Variants in TPCN2 observed in about 807,000 individuals in gnomAD.
The protein encoded by TPCN2 is two pore channel protein 2.
TPCN2 carries 92 observed loss-of-function variants against 111.4 expected under a neutral mutation model. That is an observed-to-expected ratio of 0.83 (90% CI 0.70 to 0.98). TPCN2 has a LOEUF of 0.98. Ranked by LOEUF, TPCN2 falls within the 50% of genes least tolerant of loss-of-function variation. The probability of loss-of-function intolerance (pLI) is 0.00; values close to 1 mark genes in which losing one functional copy is unlikely to be tolerated. For synonymous variants in TPCN2, 405 were observed against 414.5 expected, an observed-to-expected ratio of 0.98 and a Z score of 0.28; for missense variants, 995 against 980.1, an observed-to-expected ratio of 1.02 and a Z score of -0.20.
At chr11:69,071,234 A>C in intron 9 of TPCN2, 122 bp from the exon 10 acceptor site, 2 of 728,484 alleles carry the variant, frequency 2.7e-6, no homozygotes, top group Non-Finnish European at 4.9e-6. Flanking sequence ...TGCGCTGGCC[A>C]GGCCATGTTT....
intron 5 of TPCN2, among the ~76,000 whole-genome samples, chr11:69,061,602 G>C (rs572020473): frequency 6.6e-6 from 1 of 152,264 alleles, no homozygotes; most frequent in African/African-American, 2.4e-5. Flanking sequence ...GGGCAGCTGG[G>C]AGCACCAAGG....
At chr11:69,069,985 T>A (rs1855448303) in intron 8 of TPCN2, among the ~76,000 whole-genome samples, 1 of 151,868 alleles carries the variant, frequency 6.6e-6, no homozygotes, top group South Asian at 2.1e-4. Context: ...CCAGGAGACC[T>A]CCTTTCTTTT....
intron 4 of TPCN2, among the ~76,000 whole-genome samples, chr11:69,057,221 C>T (rs888730520): frequency 2.0e-5 from 3 of 152,234 alleles, no homozygotes; most frequent in African/African-American, 7.2e-5. Flanking sequence ...GCTGTGGCGG[C>T]GGAGACCTGC....
chr11:69,085,841 C>A lies in TPCN2; in HGVS notation c.1921-7C>A, dbSNP rs1002627224. The A allele has an allele frequency of 6.2e-7, 1 of 1,614,132 alleles. No homozygotes were observed. Among genetic ancestry groups the A allele is most frequent in the Non-Finnish European group, 8.5e-7 (1 of 1,179,970 alleles). The stretch of plus-strand genomic sequence containing the variant: ...CCCTCCTGGACCGCTGGTCTCTGCC[C>A]CCGCAGGCTGCCCTGGTCACTCTGT... On this transcript the variant is annotated splice_polypyrimidine_tract_variant and splice_region_variant and intron_variant, in intron 21 of 24. Transcript: ENST00000294309.
At chr11:69,067,285 G>A (rs983289700) in intron 7 of TPCN2, among the ~76,000 whole-genome samples, 6 of 152,232 alleles carry the variant, frequency 3.9e-5, no homozygotes, top group African/African-American at 1.4e-4. Context: ...CAGGCACCGT[G>A]TCCATGCGGG....
chr11:69,073,661 A>G (rs1375605892), intron 13 of TPCN2, among the ~76,000 whole-genome samples: 1 of 152,220 alleles, frequency 6.6e-6, no homozygotes, highest in African/African-American at 2.4e-5. Flanking sequence ...GTTATCTCAC[A>G]GTCCTGGCCG....
At chr11:69,052,323 C>T (rs1861262088) in intron 1 of TPCN2, among the ~76,000 whole-genome samples, 2 of 152,076 alleles carry the variant, frequency 1.3e-5, no homozygotes, top group Admixed American at 1.3e-4. Flanking sequence ...CCAGGCTCCC[C>T]TCAGGGCTGT....
chr11:69,064,110 G>A (rs1201130528), intron 7 of TPCN2, 143 bp downstream of exon 7: 2 of 802,454 alleles, frequency 2.5e-6, no homozygotes, highest in Non-Finnish European at 4.1e-6. Flanking sequence ...TGGGGTCCAG[G>A]AGTCTGCCTT....
chr11:69,088,353 T>G lies in TPCN2; in HGVS notation c.*400T>G. 5.6e-6 allele frequency: 1 copy of G among 179,950 alleles called. No homozygotes were observed. Among genetic ancestry groups the G allele is most frequent in the South Asian group, 1.6e-4 (1 of 6,352 alleles). The allele number at this position is 179,950 out of a possible 1,614,324, so 11.1% of individuals were successfully genotyped here. The stretch of plus-strand genomic sequence containing the variant: ...GCCTGCACAGGTTAACCGTCAGACT[T>G]CCGGGGCATTCAGGTGGGGATGCTG... On this transcript the variant is annotated 3_prime_UTR_variant, in exon 25 of 25. Coordinates refer to ENST00000294309, the MANE Select transcript of TPCN2 (RefSeq NM_139075.4).
At chr11:69,054,847 A>G (rs1590704350) in intron 3 of TPCN2, 50 bp downstream of exon 3, 1 of 1,585,360 alleles carries the variant, frequency 6.3e-7, no homozygotes, top group South Asian at 1.1e-5. Flanking sequence ...CTTGCGTGGC[A>G]GGGGAGGCTG....
intron 11 of TPCN2, among the ~76,000 whole-genome samples, chr11:69,072,387 T>A (rs1855576474): frequency 6.6e-6 from 1 of 151,846 alleles, no homozygotes; most frequent in Non-Finnish European, 1.5e-5. Context: ...GCAGAGAGCT[T>A]GAGGGACATT....
chr11:69,064,897 G>A (rs1379083891), intron 7 of TPCN2, among the ~76,000 whole-genome samples: 5 of 152,000 alleles, frequency 3.3e-5, no homozygotes, highest in African/African-American at 4.8e-5. Context: ...ATGTGTGCAT[G>A]TGTAGTGTCT....
Position 69,072,650 on chromosome 11 carries a change from T to C in TPCN2, c.1085T>C (p.Leu362Ser). ...PQAVGVKPQN[L>S]LQVLQKVQLD... ...AGAGTTGGGGTGAAGCCCCAGAACT[T>C]GCTGCAGGTGCTTCAGAAGGTCCAG... is the stretch of plus-strand genomic sequence containing the variant. Residue 362 changes from leucine (L) to serine (S), a missense_variant, in exon 12 of 25, where the codon TTG becomes TCG. Coordinates refer to ENST00000294309, the MANE Select transcript of TPCN2 (RefSeq NM_139075.4). 6.2e-7 allele frequency: 1 copy of C among 1,613,884 alleles called. No homozygotes were observed. Among genetic ancestry groups the C allele is most frequent in the Non-Finnish European group, 8.5e-7 (1 of 1,180,000 alleles).
intron 5 of TPCN2, among the ~76,000 whole-genome samples, chr11:69,060,517 G>T (rs1389579181): frequency 2.0e-5 from 3 of 152,202 alleles, no homozygotes; most frequent in Non-Finnish European, 4.4e-5. Context: ...CTTTGCCAGG[G>T]CTGTTTGGAC....
At chr11:69,085,989 C>G in intron 22 of TPCN2, 59 bp downstream of exon 22, 1 of 1,525,088 alleles carries the variant, frequency 6.6e-7, no homozygotes, top group Non-Finnish European at 9.0e-7. Flanking sequence ...GTTCCCTCAC[C>G]TCCGGGCACG....
chr11:69,078,481 G>A lies in TPCN2; in HGVS notation c.1231-1G>A. 1.9e-6 allele frequency: 3 copies of A among 1,614,000 alleles called. No individual in the cohort carries two copies. The highest frequency in any genetic ancestry group is 1.7e-6 in the Non-Finnish European group (2 of 1,180,030). On this transcript the variant is annotated splice_acceptor_variant, in intron 13 of 24. Coordinates refer to ENST00000294309, the MANE Select transcript of TPCN2 (RefSeq NM_139075.4). LOFTEE classifies it high-confidence loss of function. Reference sequence around the variant, plus strand: ...TCTGAGCACGTGTGTTCCTTGCCCAGCACCCGCCGAGGCCCGAGTACCAGT... The same window carrying A: ...TCTGAGCACGTGTGTTCCTTGCCCAACACCCGCCGAGGCCCGAGTACCAGT...
chr11:69,076,771 TCCTGCCGTGTCCCTCCA>T (rs374555891), intron 13 of TPCN2, among the ~76,000 whole-genome samples: 4 of 54,450 alleles, frequency 7.3e-5, no homozygotes, highest in African/African-American at 1.4e-4. Context: ...CCACCTGCCC[TCCTGCCGTGTCCCTCCA>T]CCTGCCCTCC....
intron 1 of TPCN2, among the ~76,000 whole-genome samples, chr11:69,052,791 G>A (rs1861290080): frequency 1.3e-5 from 2 of 152,190 alleles, no homozygotes; most frequent in African/African-American, 4.8e-5. Context: ...CACCTCCTGA[G>A]GCCTCTGCTG....
At position 69,054,181 on chromosome 11, in the gene TPCN2, G is replaced by A. The variant is rs532110293; in HGVS notation, c.174+84G>A. 199 of 1,092,754 alleles carry A rather than the reference G, an allele frequency of 1.8e-4. 1 individual carries two copies. Among genetic ancestry groups the A allele is most frequent in the Non-Finnish European group, 2.6e-4 (187 of 730,278 alleles). The allele number at this position is 1,092,754 out of a possible 1,614,324, so 67.7% of individuals were successfully genotyped here. On this transcript the variant is annotated intron_variant, in intron 2 of 24. Transcript: ENST00000294309. ...CGCCCCTCCAGGGGCGACTGACTGG[G>A]TCCAAGGCCTCCATTGCTGGACTGT...
Sources: gnomAD v4.1 joint callset for allele counts (sites outside exome capture counted in the v4.1 genomes callset) on GRCh38, gnomAD v4.1.1 for gene constraint, MANE v1.5 for transcripts, NCBI Gene and HGNC (gene_info 2026-07-23, HGNC 2026-07-21) for gene names.